The following MIA2 variants were observed in gnomAD, a reference collection of about 807,000 sequenced individuals.
MIA2 encodes melanoma inhibitory activity protein 2.
MIA2 carries 127 observed loss-of-function variants against 167.8 expected under a neutral mutation model. The observed-to-expected ratio is 0.76, with a 90% confidence interval of 0.66 to 0.88. The LOEUF is 0.88. Ranked by LOEUF, MIA2 falls within the 40% of genes least tolerant of loss-of-function variation. The pLI, the probability that MIA2 is intolerant of heterozygous loss-of-function variation, is 0.00. For synonymous variants in MIA2, 552 were observed against 541.9 expected, an observed-to-expected ratio of 1.02 and a Z score of -0.26; for missense variants, 1,690 against 1,624.7, an observed-to-expected ratio of 1.04 and a Z score of -0.69.
At position 39,237,026 on chromosome 14, in the gene MIA2, G is replaced by C; in HGVS notation, c.220G>C (p.Gly74Arg). 6.2e-7 allele frequency: 1 copy of C among 1,614,032 alleles called. No individual in the cohort carries two copies. Among genetic ancestry groups the C allele is most frequent in the Non-Finnish European group, 8.5e-7 (1 of 1,179,960 alleles). ...EEISVYVKLAGEREDLWAGSK... is the reference protein window; with the variant it reads ...EEISVYVKLAREREDLWAGSK... ...GATATCTGTTTATGTTAAACTTGCA[G>C]GAGAAAGGGAAGATTTGTGGGCAGG... is the stretch of plus-strand genomic sequence containing the variant. The change falls in exon 2 of 29, where the codon GGA becomes CGA. Residue 74 changes from glycine (G) to arginine (R), a missense_variant. Physicochemically the swap from Gly to Arg is moderately radical, Grantham distance 125. Coordinates refer to ENST00000640607, the MANE Select transcript of MIA2 (RefSeq NM_001329214.4).
In MIA2 at chr14:39,253,077, C is replaced by T. The variant is rs374627280; in HGVS notation, c.1793C>T (p.Ala598Val). 1.5e-5 allele frequency: 24 copies of T among 1,589,774 alleles called. No homozygotes were observed. The African/African-American group carries it at 2.4e-4, about 16-fold the overall frequency. Residue 598 changes from alanine to valine, a missense_variant, in exon 6 of 29, where the codon GCT becomes GTT. Transcript: ENST00000640607. ...SQNYISQKED[A>V]SEFQILKYLF... ...TTTATTTATAAATCAACAGAAGATG[C>T]TTCTGAGTTTCAGATTCTGAAATAC...
At chr14:39,359,585 G>T (rs1170947508) in intron 23 of MIA2, among the ~76,000 whole-genome samples, 1 of 152,172 alleles carries the variant, frequency 6.6e-6, no homozygotes, top group African/African-American at 2.4e-5. Context: ...ACAATCCCCA[G>T]TGAGATGAAC....
intron 25 of MIA2, among the ~76,000 whole-genome samples, chr14:39,334,560 A>C (rs2069841374): frequency 2.8e-5 from 2 of 71,574 alleles, no homozygotes; most frequent in African/African-American, 1.2e-4. Flanking sequence ...ATAATGAATG[A>C]GGGGACTTAG....
At chr14:39,259,022 G>T (rs2054948019) in intron 6 of MIA2, among the ~76,000 whole-genome samples, 1 of 152,264 alleles carries the variant, frequency 6.6e-6, no homozygotes, top group South Asian at 2.1e-4. Flanking sequence ...GTTGACCCCT[G>T]TTGGGAGGTC....
intron 23 of MIA2, among the ~76,000 whole-genome samples, chr14:39,360,388 A>G (rs2074653763): frequency 6.6e-6 from 1 of 151,548 alleles, no homozygotes. Context: ...ACATTGTTTC[A>G]TATACCTGTT....
intron 23 of MIA2, among the ~76,000 whole-genome samples, chr14:39,373,426 T>A (rs1249795093): frequency 2.6e-5 from 4 of 151,504 alleles, no homozygotes; most frequent in African/African-American, 9.7e-5. Context: ...AAAGTATATT[T>A]TAAAAATAAT....
At chr14:39,286,673 A>C (rs962515534) in intron 9 of MIA2, among the ~76,000 whole-genome samples, 5 of 143,030 alleles carry the variant, frequency 3.5e-5, no homozygotes, top group Non-Finnish European at 6.1e-5. Flanking sequence ...TTCTTTCCTT[A>C]TCCTTCTCTT....
chr14:39,263,554 C>A (rs1003476980), intron 6 of MIA2, among the ~76,000 whole-genome samples: 3 of 133,346 alleles, frequency 2.2e-5, no homozygotes, highest in Admixed American at 1.4e-4. Context: ...TCTTTTCTTT[C>A]TTCTTTTCCT....
At chr14:39,234,259 C>T (rs2053632815) in intron 1 of MIA2, 30 bp downstream of exon 1, 1 of 1,407,534 alleles carries the variant, frequency 7.1e-7, no homozygotes, top group Non-Finnish European at 1.0e-6. Flanking sequence ...TTCTTCTCCT[C>T]CTAAATTGAG....
Position 39,326,863 on chromosome 14 carries a change from G to T in MIA2, c.3497-1G>T, listed in dbSNP as rs752940966. 3.8e-6 allele frequency: 6 copies of T among 1,559,598 alleles called. No individual in the cohort carries two copies. Among genetic ancestry groups the T allele is most frequent in the Admixed American group, 2.1e-5 (1 of 47,848 alleles). Reference sequence around the variant, plus strand: ...TTGTATGTTTTTTTTTCTTTAATTAGGCTCACGAGGCCCAGGGAATCCTCT... The same window carrying T: ...TTGTATGTTTTTTTTTCTTTAATTATGCTCACGAGGCCCAGGGAATCCTCT... On this transcript the variant is annotated splice_acceptor_variant, in intron 24 of 28. Coordinates refer to ENST00000640607, the MANE Select transcript of MIA2 (RefSeq NM_001329214.4). LOFTEE classifies it high-confidence loss of function.
chr14:39,277,760 A>T (rs181144729), intron 7 of MIA2, among the ~76,000 whole-genome samples: 1 of 25,040 alleles, frequency 4.0e-5, no homozygotes, highest in Non-Finnish European at 6.7e-5. Context: ...ATATATATAT[A>T]TATATATATA....
chr14:39,281,819 CTGTGTT>C (rs1248440145), intron 9 of MIA2, among the ~76,000 whole-genome samples: 2 of 152,038 alleles, frequency 1.3e-5, no homozygotes, highest in African/African-American at 4.8e-5. Flanking sequence ...ATGGGTTTCA[CTGTGTT>C]GCTCAGGCTG....
chr14:39,238,026 C>T (rs112749752), intron 2 of MIA2, among the ~76,000 whole-genome samples: 12,240 of 152,020 alleles, frequency 0.081, 549 homozygotes, highest in African/African-American at 0.13. Flanking sequence ...AGGCGTGAGC[C>T]ACTGCGCCCT....
intron 23 of MIA2, among the ~76,000 whole-genome samples, chr14:39,374,690 G>A (rs1595958680): frequency 6.6e-6 from 1 of 152,180 alleles, no homozygotes; most frequent in South Asian, 2.1e-4. Context: ...TCCTATCAAG[G>A]TATGTGTTCA....
At chr14:39,379,045 C>T (rs2075100960) in intron 23 of MIA2, among the ~76,000 whole-genome samples, 1 of 152,066 alleles carries the variant, frequency 6.6e-6, no homozygotes, top group Non-Finnish European at 1.5e-5. Context: ...AGCATAAGGC[C>T]AATTAAACCT....
intron 21 of MIA2, among the ~76,000 whole-genome samples, chr14:39,315,978 A>T (rs1451861252): frequency 2.0e-5 from 3 of 152,192 alleles, no homozygotes; most frequent in African/African-American, 7.2e-5. Flanking sequence ...AGGTGATATA[A>T]TGTTCATGGA....
chr14:39,374,377 CTCA>C (rs1178570658), intron 23 of MIA2, among the ~76,000 whole-genome samples: 1 of 152,196 alleles, frequency 6.6e-6, no homozygotes, highest in Non-Finnish European at 1.5e-5. Flanking sequence ...TAATAGCCTT[CTCA>C]TCAGTAATTA....
At chr14:39,323,931 T>C (rs17109135) in intron 24 of MIA2, among the ~76,000 whole-genome samples, 4,753 of 152,314 alleles carry the variant, frequency 0.031, 268 homozygotes, top group African/African-American at 0.11. Context: ...AGGTAAGTTG[T>C]CATCGGGTCT....
chr14:39,275,086 A>C (rs1441642089), intron 6 of MIA2, among the ~76,000 whole-genome samples: 2 of 124,402 alleles, frequency 1.6e-5, no homozygotes, highest in Non-Finnish European at 3.6e-5. Context: ...AAAAAAAAAA[A>C]AAATTTTTTT....
Sources: gnomAD v4.1 joint callset for allele counts (sites outside exome capture counted in the v4.1 genomes callset) on GRCh38, gnomAD v4.1.1 for gene constraint, MANE v1.5 for transcripts, NCBI Gene and HGNC (gene_info 2026-07-23, HGNC 2026-07-21) for gene names.